The following RPH3A variants were observed in gnomAD, a reference collection of about 807,000 sequenced individuals.
The protein encoded by RPH3A is rabphilin-3A.
In RPH3A, 48 loss-of-function variants were observed where a neutral mutation model predicts 102.2. The ratio of observed to expected loss-of-function variants is 0.47; its 90% CI spans 0.37 to 0.60. RPH3A has a LOEUF of 0.60. Ranked by LOEUF, RPH3A falls within the 20% of genes least tolerant of loss-of-function variation. The pLI, the probability that RPH3A is intolerant of heterozygous loss-of-function variation, is 0.00. For synonymous variants in RPH3A, 310 were observed against 324.3 expected, an observed-to-expected ratio of 0.96 and a Z score of 0.47; for missense variants, 781 against 910.1, an observed-to-expected ratio of 0.86 and a Z score of 1.83.
chr12:112,755,950 A>T (rs2040820080), intron 1 of RPH3A, among the ~76,000 whole-genome samples: 1 of 152,156 alleles, frequency 6.6e-6, no homozygotes, highest in Non-Finnish European at 1.5e-5. Flanking sequence ...CCTATCTTTT[A>T]AAAAAGTGGT....
rs1365360432 is a variant in RPH3A at position 112,599,436 on chromosome 12, A to T, written c.-140+24117A>T. The stretch of plus-strand genomic sequence containing the variant: ...TGACTCAACCCCCAGTTCTCTCTAT[A>T]TTTTATGTGGTTACATTTTAATATT... On this transcript the variant is annotated intron_variant, in intron 1 of 21. Transcript: ENST00000543106. Among the ~76,000 whole-genome samples, 46 of 152,172 alleles carry T rather than the reference A, an allele frequency of 3.0e-4. 1 individual carries two copies.
At chr12:112,810,178 G>T (rs1186642490) in intron 2 of RPH3A, among the ~76,000 whole-genome samples, 1 of 152,140 alleles carries the variant, frequency 6.6e-6, no homozygotes. Flanking sequence ...CTTTCCTCAA[G>T]AAAGAGCTGG....
chr12:112,725,275 A>AC lies in RPH3A; in HGVS notation c.-139-66868_-139-66867insC, dbSNP rs2040579956. Among the ~76,000 whole-genome samples the AC allele has an allele frequency of 2.0e-5, 3 of 151,312 alleles. No individual in the cohort carries two copies. The South Asian group carries it at 6.3e-4, about 32-fold the overall frequency. ...GAAAAAAAAAAAAAAAAAAAAAAAA[A>AC]AAAACACGTTTTAATGAATAAATGC... On this transcript the variant is annotated intron_variant, in intron 1 of 21. Coordinates refer to the RPH3A transcript ENST00000543106.
At chr12:112,895,041 G>A (rs1214270557) in intron 20 of RPH3A, among the ~76,000 whole-genome samples, 1 of 152,110 alleles carries the variant, frequency 6.6e-6, no homozygotes, top group Non-Finnish European at 1.5e-5. Context: ...AGGCAGAGAA[G>A]CTATTTTTTA....
rs573685896 is a variant in RPH3A at position 112,692,888 on chromosome 12, AC to A, written c.-139-99253del. Among the ~76,000 whole-genome samples the A allele has an allele frequency of 1.4e-4, 21 of 152,316 alleles. 1 individual carries two copies. The East Asian group carries it at 3.1e-3, about 22-fold the overall frequency. The stretch of plus-strand genomic sequence containing the variant: ...ACAAGTTGATATCCTGAGCATGAAC[AC>A]CATGCAGGTCTTGTCATGCCTGCTC... On this transcript the variant is annotated intron_variant, in intron 1 of 21. Coordinates refer to the RPH3A transcript ENST00000543106.
chr12:112,654,349 T>A (rs140975030), intron 1 of RPH3A, among the ~76,000 whole-genome samples: 242 of 152,318 alleles, frequency 1.6e-3, no homozygotes, highest in African/African-American at 5.6e-3. Flanking sequence ...AACCTGTCCC[T>A]GTGAATTTTC....
rs757669256 is a variant in RPH3A, at chr12:112,697,224, A to C, written c.-139-94919A>C. Among the ~76,000 whole-genome samples the C allele has an allele frequency of 5.6e-4, 85 of 152,302 alleles. 1 individual carries two copies. Among genetic ancestry groups the C allele is most frequent in the Non-Finnish European group, 1.9e-4 (13 of 68,012 alleles). ...CATGATCATGTATGTAGAAATTCCT[A>C]AGGAATCTATTAGAAAAATGACTAG... On this transcript the variant is annotated intron_variant, in intron 1 of 21. Transcript: ENST00000543106.
intron 1 of RPH3A, among the ~76,000 whole-genome samples, chr12:112,621,855 A>C (rs1566232274): frequency 6.6e-6 from 1 of 151,416 alleles, no homozygotes; most frequent in Admixed American, 6.6e-5. Flanking sequence ...ATGCAGCTGG[A>C]GATCTGAGAA....
upstream of RPH3A, among the ~76,000 whole-genome samples, chr12:112,787,608 C>A (rs948593953): frequency 1.3e-5 from 2 of 152,160 alleles, no homozygotes; most frequent in African/African-American, 4.8e-5. Flanking sequence ...ATTAGGAATG[C>A]CAGATAGCAT....
At chr12:112,686,309 T>C (rs533257687) in intron 1 of RPH3A, among the ~76,000 whole-genome samples, 2 of 152,272 alleles carry the variant, frequency 1.3e-5, no homozygotes, top group African/African-American at 4.8e-5. Flanking sequence ...TTGTAAAAAA[T>C]GATCCAAATG....
intron 1 of RPH3A, among the ~76,000 whole-genome samples, chr12:112,749,233 GC>G (rs1320380071): frequency 2.0e-5 from 3 of 152,128 alleles, no homozygotes; most frequent in African/African-American, 7.2e-5. Context: ...TGATCCAACA[GC>G]CCCCAGCCCA....
At chr12:112,838,441 C>T (rs182340904) in intron 4 of RPH3A, among the ~76,000 whole-genome samples, 1 of 152,334 alleles carries the variant, frequency 6.6e-6, no homozygotes, top group African/African-American at 2.4e-5. Flanking sequence ...TTTATACCAG[C>T]TGGGCATGGG....
chr12:112,603,905 G>A (rs1027082195), intron 1 of RPH3A, among the ~76,000 whole-genome samples: 3 of 152,176 alleles, frequency 2.0e-5, no homozygotes. Context: ...AGTTGAATGT[G>A]TGCTTGTGTG....
rs147713587 is a variant in RPH3A, at chr12:112,802,594, C to T, written c.-19+10331C>T. The stretch of plus-strand genomic sequence containing the variant: ...TGCTGTGAGTATAGGGGGTATGGTG[C>T]GAGCATGTGTGTGTGAGTGGTGTGT... On this transcript the variant is annotated intron_variant, in intron 2 of 21. Transcript: ENST00000389385. 6.8e-4 allele frequency among the ~76,000 whole-genome samples: 103 copies of T among 151,866 alleles called. 1 individual carries two copies. The highest frequency in any genetic ancestry group is 1.9e-3 in the African/African-American group (79 of 41,398).
intron 1 of RPH3A, among the ~76,000 whole-genome samples, chr12:112,697,320 T>A (rs951902638): frequency 6.6e-6 from 1 of 152,202 alleles, no homozygotes; most frequent in African/African-American, 2.4e-5. Flanking sequence ...TACTACTATA[T>A]ACTAGGAATA....
chr12:112,839,155 A>C (rs1295359630), intron 4 of RPH3A, among the ~76,000 whole-genome samples: 1 of 152,188 alleles, frequency 6.6e-6, no homozygotes, highest in Non-Finnish European at 1.5e-5. Flanking sequence ...TTTATTCAGA[A>C]GCTAAATCTT....
intron 1 of RPH3A, among the ~76,000 whole-genome samples, chr12:112,749,959 A>G (rs1430221839): frequency 6.6e-6 from 1 of 152,096 alleles, no homozygotes; most frequent in Non-Finnish European, 1.5e-5. Flanking sequence ...AAGCATCTCT[A>G]TGGGATGCTT....
chr12:112,853,582 A>C (rs2042359790), intron 5 of RPH3A, among the ~76,000 whole-genome samples: 1 of 152,186 alleles, frequency 6.6e-6, no homozygotes, highest in Non-Finnish European at 1.5e-5. Context: ...TAATCCCAGC[A>C]CTTTGGGAGG....
intron 1 of RPH3A, among the ~76,000 whole-genome samples, chr12:112,645,699 T>C (rs955774735): frequency 2.0e-5 from 3 of 152,176 alleles, no homozygotes; most frequent in African/African-American, 7.2e-5. Flanking sequence ...TTTCATAGGA[T>C]GTCTCTTAAG....
Sources: gnomAD v4.1 joint callset for allele counts (sites outside exome capture counted in the v4.1 genomes callset) on GRCh38, gnomAD v4.1.1 for gene constraint, MANE v1.5 for transcripts, NCBI Gene and HGNC (gene_info 2026-07-23, HGNC 2026-07-21) for gene names.